STAG1: variants seen among roughly 807,000 people sequenced by gnomAD.
STAG1 encodes cohesin subunit SA-1.
A neutral mutation model predicts 170.9 loss-of-function variants in STAG1; 26 were observed. That is an observed-to-expected ratio of 0.15 (90% CI 0.11 to 0.21). The LOEUF (loss-of-function observed/expected upper bound fraction) is 0.21, where lower values mean the gene tolerates loss of function less well. Ranked by LOEUF, STAG1 falls within the 10% of genes least tolerant of loss-of-function variation. STAG1 has a pLI of 1.00. For synonymous variants in STAG1, 514 were observed against 497.7 expected (o/e 1.03, Z -0.44); for missense variants, 964 against 1,509.5 (o/e 0.64, Z 5.99).
chr3:136,726,103 T>A (rs1933648228), intron 1 of STAG1, among the ~76,000 whole-genome samples: 1 of 152,090 alleles, frequency 6.6e-6, no homozygotes, highest in African/African-American at 2.4e-5. Context: ...CCACCCACCA[T>A]CCAATATTCA....
At chr3:136,410,083 A>AAG (rs1239614807) in intron 21 of STAG1, among the ~76,000 whole-genome samples, 2 of 151,354 alleles carry the variant, frequency 1.3e-5, no homozygotes, top group Non-Finnish European at 2.9e-5. Flanking sequence ...AAAAAAAAAA[A>AAG]AAAAAAAGAT....
intron 2 of STAG1, among the ~76,000 whole-genome samples, chr3:136,628,819 T>C (rs1327918282): frequency 6.6e-6 from 1 of 152,228 alleles, no homozygotes; most frequent in African/African-American, 2.4e-5. Flanking sequence ...ATATAAAATG[T>C]AGTAAATGAT....
intron 6 of STAG1, among the ~76,000 whole-genome samples, chr3:136,531,865 C>G (rs1935388961): frequency 7.0e-6 from 1 of 143,544 alleles, no homozygotes; most frequent in Admixed American, 7.1e-5. Context: ...ACATATGTAA[C>G]TAACCTGCAC....
At position 136,751,813 on chromosome 3, in the gene STAG1, G is replaced by T. The variant is rs563430407; in HGVS notation, c.-84+382C>A. ...GCGACTCCCGAGAGCCCGGGCGGGG[G>T]GGGGCGGAGGGCGGGCTTGGCGGCG... On this transcript the variant is annotated intron_variant, in intron 1 of 33. Coordinates refer to ENST00000383202, the MANE Select transcript of STAG1 (RefSeq NM_005862.3). Among the ~76,000 whole-genome samples the T allele has an allele frequency of 6.0e-5, 9 of 151,232 alleles. No homozygotes were observed. In the South Asian group the frequency reaches 1.7e-3, roughly 28 times the overall value.
At chr3:136,736,624 T>C in intron 1 of STAG1, 1 of 1,601,946 alleles carries the variant, frequency 6.2e-7, no homozygotes, top group South Asian at 1.1e-5. Flanking sequence ...TCCTCAAAGT[T>C]TTTCTGCCAC....
At chr3:136,451,499 C>T (rs1372228474) in intron 14 of STAG1, among the ~76,000 whole-genome samples, 1 of 152,160 alleles carries the variant, frequency 6.6e-6, no homozygotes, top group Admixed American at 6.5e-5. Context: ...CATGGTGGCT[C>T]ATGACCATAA....
At chr3:136,578,435 G>T (rs762077808) in intron 4 of STAG1, among the ~76,000 whole-genome samples, 4 of 152,180 alleles carry the variant, frequency 2.6e-5, no homozygotes, top group Non-Finnish European at 5.9e-5. Flanking sequence ...AGGCCTGGTA[G>T]GCAGAAATCT....
intron 31 of STAG1, 56 bp downstream of exon 31, chr3:136,341,385 A>G: frequency 6.8e-6 from 8 of 1,171,986 alleles, no homozygotes; most frequent in Non-Finnish European, 1.0e-5. Flanking sequence ...TCATTTCACA[A>G]AATGATGGGC....
chr3:136,682,497 A>T (rs973654829), intron 1 of STAG1, among the ~76,000 whole-genome samples: 5 of 151,030 alleles, frequency 3.3e-5, no homozygotes, highest in Non-Finnish European at 7.4e-5. Flanking sequence ...AAGAGAACTA[A>T]ATATGTCACA....
chr3:136,735,149 C>T (rs1470617034), intron 1 of STAG1, among the ~76,000 whole-genome samples: 1 of 151,990 alleles, frequency 6.6e-6, no homozygotes, highest in Non-Finnish European at 1.5e-5. Flanking sequence ...TGGACTTCCG[C>T]TCTTGTTGCC....
At chr3:136,525,717 T>C (rs1934977567) in intron 6 of STAG1, among the ~76,000 whole-genome samples, 2 of 152,360 alleles carry the variant, frequency 1.3e-5, no homozygotes, top group South Asian at 4.1e-4. Context: ...TTTCCTGCTT[T>C]CTCTTGTGGG....
chr3:136,549,165 C>A (rs575166135), intron 5 of STAG1, among the ~76,000 whole-genome samples: 2 of 152,150 alleles, frequency 1.3e-5, no homozygotes, highest in Non-Finnish European at 2.9e-5. Context: ...TATGCTATTG[C>A]AAATTGGAAT....
At chr3:136,393,939 G>A (rs780253246) in intron 22 of STAG1, among the ~76,000 whole-genome samples, 2 of 152,056 alleles carry the variant, frequency 1.3e-5, no homozygotes, top group Admixed American at 6.6e-5. Context: ...GTCTCGCTCT[G>A]TTGCCAGGTT....
Position 136,443,307 on chromosome 3 carries a change from T to C in STAG1, c.1526A>G (p.Glu509Gly). ...WECMTELLLE[E>G]PVQGEEAMSD... is the part of the protein sequence containing the mutation. ...TATACCTTCCTCTCCTTGAACAGGT[T>C]CTTCTAATAGCAACTCTGTCATACA... Residue 509 changes from glutamate to glycine, a missense_variant, in exon 15 of 34, where the codon GAA becomes GGA. Glu to Gly is a moderately conservative substitution (Grantham distance 98). Transcript: ENST00000383202. 1 of 1,612,878 alleles carries C rather than the reference T, an allele frequency of 6.2e-7. No individual in the cohort carries two copies. Among genetic ancestry groups the C allele is most frequent in the Non-Finnish European group, 8.5e-7 (1 of 1,179,212 alleles).
At chr3:136,537,934 A>G (rs1935718963) in intron 6 of STAG1, among the ~76,000 whole-genome samples, 1 of 152,354 alleles carries the variant, frequency 6.6e-6, no homozygotes, top group Non-Finnish European at 1.5e-5. Context: ...CCTTGCACGC[A>G]TTCATCTTAG....
chr3:136,362,554 G>A (rs1274410791), intron 26 of STAG1, among the ~76,000 whole-genome samples: 2 of 146,808 alleles, frequency 1.4e-5, no homozygotes, highest in Admixed American at 1.4e-4. Flanking sequence ...GATCACTTGA[G>A]GCCGAGGAGT....
At chr3:136,463,770 T>TGTATATACACAC (rs2089350933) in intron 13 of STAG1, among the ~76,000 whole-genome samples, 1 of 126,396 alleles carries the variant, frequency 7.9e-6, no homozygotes, top group African/African-American at 2.8e-5. Flanking sequence ...TGTGTGTGTA[T>TGTATATACACAC]ACACACACAC....
intron 6 of STAG1, among the ~76,000 whole-genome samples, chr3:136,541,538 TCACA>T (rs59155124): frequency 0.036 from 4,417 of 123,160 alleles, 119 homozygotes; most frequent in African/African-American, 0.074. Flanking sequence ...AGCTTAACAT[TCACA>T]CACACACACA....
At chr3:136,690,056 CAAAAAAA>C (rs57082567) in intron 1 of STAG1, among the ~76,000 whole-genome samples, 863 of 56,398 alleles carry the variant, frequency 0.015, 8 homozygotes, top group African/African-American at 0.021. Flanking sequence ...AAAAGCAAAC[CAAAAAAA>C]AAAAAAAAAA....
Sources: allele counts gnomAD v4.1 joint callset (sites outside exome capture counted in the v4.1 genomes callset), GRCh38; gene constraint gnomAD v4.1.1; transcripts MANE v1.5; gene names NCBI Gene and HGNC (gene_info 2026-07-23, HGNC 2026-07-21).